HMOX2: variants seen among roughly 807,000 people sequenced by gnomAD.
HMOX2 encodes heme oxygenase (decycling) 2.
Under a neutral mutation model 33.7 loss-of-function variants are expected in HMOX2, and 30 were observed. The observed-to-expected ratio is 0.89, with a 90% CI of 0.67 to 1.21. The LOEUF is 1.21. Ranked by LOEUF, HMOX2 falls within the 50% of genes most tolerant of loss-of-function variation. The pLI is 0.00. For missense variants in HMOX2, 403 were observed against 399.1 expected, an observed-to-expected ratio of 1.01 and a Z score of -0.08; for synonymous variants, 155 against 155.0, an observed-to-expected ratio of 1.00 and a Z score of 0.00.
chr16:4,475,736 G>A (rs1245151206), upstream of HMOX2, among the ~76,000 whole-genome samples: 2 of 150,684 alleles, frequency 1.3e-5, no homozygotes, highest in Non-Finnish European at 3.0e-5. Flanking sequence ...TCAGGAGTTC[G>A]AGACCAGCCT....
intron 1 of HMOX2, among the ~76,000 whole-genome samples, chr16:4,488,258 C>G (rs2058224015): frequency 6.6e-6 from 1 of 151,972 alleles, no homozygotes; most frequent in African/African-American, 2.4e-5. Context: ...GTTGCCTAAT[C>G]ATGTCCTCAG....
intron 1 of HMOX2, among the ~76,000 whole-genome samples, chr16:4,484,524 G>A (rs1382997745): frequency 6.9e-6 from 1 of 144,238 alleles, no homozygotes; most frequent in African/African-American, 2.6e-5. Flanking sequence ...GCAGTGGTAC[G>A]ATTTCGGCTC....
At chr16:4,503,319 C>A (rs532137591) in intron 1 of HMOX2, among the ~76,000 whole-genome samples, 1 of 152,154 alleles carries the variant, frequency 6.6e-6, no homozygotes, top group African/African-American at 2.4e-5. Flanking sequence ...GGAGGCCCTC[C>A]CCCAGCCCTG....
chr16:4,487,620 G>A (rs1345028645), intron 1 of HMOX2, among the ~76,000 whole-genome samples: 4 of 152,068 alleles, frequency 2.6e-5, no homozygotes, highest in Admixed American at 6.6e-5. Context: ...TGTGAATGGC[G>A]AAACCCCGTC....
At chr16:4,507,446 C>T (rs1270979185) in intron 3 of HMOX2, among the ~76,000 whole-genome samples, 7 of 148,646 alleles carry the variant, frequency 4.7e-5, no homozygotes, top group East Asian at 1.9e-4. Context: ...CTCTTTACCC[C>T]GCCAAAAAAA....
intron 1 of HMOX2, among the ~76,000 whole-genome samples, chr16:4,492,114 A>T (rs1312360115): frequency 6.6e-6 from 1 of 152,100 alleles, no homozygotes; most frequent in African/African-American, 2.4e-5. Context: ...GGGTGATAGG[A>T]TTCCTTGAGG....
chr16:4,504,043 T>G (rs1255282459), intron 1 of HMOX2, among the ~76,000 whole-genome samples: 1 of 152,230 alleles, frequency 6.6e-6, no homozygotes, highest in East Asian at 1.9e-4. Context: ...CCCCGAGGGA[T>G]GGAGGATGAG....
At chr16:4,501,878 A>G (rs2058567653) in intron 1 of HMOX2, among the ~76,000 whole-genome samples, 1 of 152,164 alleles carries the variant, frequency 6.6e-6, no homozygotes, top group Non-Finnish European at 1.5e-5. Flanking sequence ...TGTGGGTTGA[A>G]TATGCTAACC....
At position 4,507,832 on chromosome 16, in the gene HMOX2, G is replaced by A. The variant is rs1379455838; in HGVS notation, c.324G>A (p.Ala108=). The A allele has an allele frequency of 7.4e-6, 12 of 1,614,222 alleles. No individual in the cohort carries two copies. In the East Asian group the frequency reaches 1.3e-4, roughly 18 times the overall value. ...CCATGGAGCTGCACCGGAAGGAGGCGCTGACCAAGGACATGGAGTATTTCT... is the reference window on the plus strand; with the variant it reads ...CCATGGAGCTGCACCGGAAGGAGGCACTGACCAAGGACATGGAGTATTTCT... The part of the protein sequence containing the change: ...YFPMELHRKE[A]LTKDMEYFFG... The change falls in exon 4 of 6, where the codon GCG becomes GCA. Residue 108 remains alanine (A), a synonymous_variant. Coordinates refer to ENST00000570646, the MANE Select transcript of HMOX2 (RefSeq NM_002134.4).
At chr16:4,503,180 T>C (rs961908310) in intron 1 of HMOX2, among the ~76,000 whole-genome samples, 1 of 151,994 alleles carries the variant, frequency 6.6e-6, no homozygotes, top group Non-Finnish European at 1.5e-5. Flanking sequence ...TGAAGGCCCA[T>C]GTGAGGCTTA....
intron 1 of HMOX2, among the ~76,000 whole-genome samples, chr16:4,485,000 C>G (rs1596448254): frequency 6.6e-6 from 1 of 151,848 alleles, no homozygotes; most frequent in Non-Finnish European, 1.5e-5. Flanking sequence ...GCATCTCACT[C>G]TGTCACCGAG....
rs542189665 is a variant in HMOX2, at chr16:4,500,575, C to T, written c.-41-4909C>T. ...TCCTTCAGTTCAGGTTTCTCCAGGG[C>T]AAAGAAGTCTTTATTGTTCCTTTCT... On this transcript the variant is annotated intron_variant, in intron 1 of 5. Transcript: ENST00000570646. Among the ~76,000 whole-genome samples the T allele has an allele frequency of 2.6e-5, 4 of 152,202 alleles. No homozygotes were observed. The East Asian group carries it at 7.7e-4, about 29-fold the overall frequency.
Position 4,509,768 on chromosome 16 carries a change from T to A in HMOX2, c.*12T>A, listed in dbSNP as rs1036542400. 5 of 1,610,144 alleles carry A rather than the reference T, an allele frequency of 3.1e-6. No homozygotes were observed. Among genetic ancestry groups the A allele is most frequent in the Non-Finnish European group, 4.2e-6 (5 of 1,178,602 alleles). On this transcript the variant is annotated 3_prime_UTR_variant, in exon 6 of 6. Coordinates refer to ENST00000570646, the MANE Select transcript of HMOX2 (RefSeq NM_002134.4). ...GGTACTACATGTGAAGCACCCATCA[T>A]GCCACACCGGTACCCTCCTCCCGAC...
intron 1 of HMOX2, among the ~76,000 whole-genome samples, chr16:4,486,283 A>G (rs777526255): frequency 9.9e-5 from 15 of 152,212 alleles, no homozygotes; most frequent in Admixed American, 6.5e-5. Flanking sequence ...CCAAACACCA[A>G]CTGTCAAGGG....
chr16:4,509,887 A>C lies in HMOX2; in HGVS notation c.*131A>C. 1.0e-6 allele frequency: 1 copy of C among 987,490 alleles called. No homozygotes were observed. The highest frequency in any genetic ancestry group is 1.5e-6 in the Non-Finnish European group (1 of 678,426). 61.2% of individuals were successfully genotyped at this position (987,490 alleles called of 1,614,324 possible). A position where few individuals can be genotyped will look rare whatever the true frequency, so the allele number is the denominator to read the frequency against. ...CTGGGTTTAAGAAAGGCAACCAATA[A>C]AAGCCAGATGCTAGAGCCTCTGCCT... On this transcript the variant is annotated 3_prime_UTR_variant, in exon 6 of 6. Transcript: ENST00000570646.
chr16:4,480,463 G>C (rs985967282), intron 1 of HMOX2, among the ~76,000 whole-genome samples: 1 of 149,248 alleles, frequency 6.7e-6, no homozygotes, highest in Admixed American at 6.8e-5. Context: ...TCCTTCCTCA[G>C]CCTCCCTAGT....
chr16:4,475,920 C>G (rs949171591), upstream of HMOX2: 6 of 152,140 alleles, frequency 3.9e-5, no homozygotes, highest in Non-Finnish European at 7.3e-5. Flanking sequence ...GCCTGGGCGA[C>G]GAGCAAAACT....
At chr16:4,485,072 T>G (rs2058133462) in intron 1 of HMOX2, among the ~76,000 whole-genome samples, 1 of 152,016 alleles carries the variant, frequency 6.6e-6, no homozygotes, top group African/African-American at 2.4e-5. Context: ...TTCAAGCGAT[T>G]CTCTTGCCTT....
chr16:4,510,040 T>G lies in HMOX2; in HGVS notation c.*284T>G. ...TCCAGGCTTCCACACTTCTGGGCCC[T>G]AGGCTGCTTCCGGTAGTCCCTGTTT... On this transcript the variant is annotated 3_prime_UTR_variant, in exon 6 of 6. Transcript: ENST00000570646. 2.1e-6 allele frequency: 1 copy of G among 470,728 alleles called. No homozygotes were observed. The highest frequency in any genetic ancestry group is 3.3e-5 in the South Asian group (1 of 30,452). 29.2% of individuals were successfully genotyped at this position (470,728 alleles called of 1,614,324 possible).
Sources: gnomAD v4.1 joint callset for allele counts (sites outside exome capture counted in the v4.1 genomes callset) on GRCh38, gnomAD v4.1.1 for gene constraint, MANE v1.5 for transcripts, NCBI Gene and HGNC (gene_info 2026-07-23, HGNC 2026-07-21) for gene names.